Variants in MPDZ observed in about 807,000 individuals in gnomAD.
MPDZ encodes multiple PDZ domain protein.
In MPDZ, 234 loss-of-function variants were observed where a neutral mutation model predicts 239.1. The observed-to-expected ratio is 0.98, with a 90% CI of 0.88 to 1.09. The LOEUF (loss-of-function observed/expected upper bound fraction) is 1.09, where lower values mean the gene tolerates loss of function less well. Ranked by LOEUF, MPDZ falls within the 50% of genes least tolerant of loss-of-function variation. MPDZ has a pLI of 0.00. For missense variants in MPDZ, 3,175 were observed against 2,510.0 expected, an observed-to-expected ratio of 1.26 and a Z score of -5.66; for synonymous variants, 1,048 against 881.3, an observed-to-expected ratio of 1.19 and a Z score of -3.35.
chr9:13,243,703 A>G (rs1045198242), intron 3 of MPDZ, among the ~76,000 whole-genome samples: 1 of 152,236 alleles, frequency 6.6e-6, no homozygotes, highest in African/African-American at 2.4e-5. Context: ...GCATCTCTAC[A>G]GTTATTTCAA....
chr9:13,258,589 C>A (rs781708776), intron 1 of MPDZ, among the ~76,000 whole-genome samples: 1 of 152,170 alleles, frequency 6.6e-6, no homozygotes, highest in Non-Finnish European at 1.5e-5. Flanking sequence ...AGTCATAATT[C>A]CTACTTTTGG....
intron 32 of MPDZ, among the ~76,000 whole-genome samples, chr9:13,129,189 G>A (rs1047225395): frequency 2.6e-5 from 4 of 152,114 alleles, no homozygotes; most frequent in East Asian, 3.9e-4. Context: ...GAGGCTGGGC[G>A]TGGTGGCTCA....
chr9:13,180,363 C>A (rs907367662), intron 19 of MPDZ, among the ~76,000 whole-genome samples: 1 of 152,012 alleles, frequency 6.6e-6, no homozygotes, highest in African/African-American at 2.4e-5. Flanking sequence ...AAAAGTAATT[C>A]CTGGCAGAAC....
intron 1 of MPDZ, among the ~76,000 whole-genome samples, chr9:13,272,247 G>A (rs536725978): frequency 1.3e-5 from 2 of 152,246 alleles, no homozygotes; most frequent in African/African-American, 2.4e-5. Context: ...TGAATAGGTT[G>A]ACTTTAGCAT....
chr9:13,177,725 A>C (rs1391139461), intron 19 of MPDZ, among the ~76,000 whole-genome samples: 1 of 152,178 alleles, frequency 6.6e-6, no homozygotes, highest in African/African-American at 2.4e-5. Context: ...TAAATGTTAG[A>C]GCTTGGACAA....
rs1306384022 is a variant in MPDZ, at chr9:13,183,399, A to G, written c.2649+19T>C. The G allele has an allele frequency of 6.3e-7, 1 of 1,576,124 alleles. No individual in the cohort carries two copies. The highest frequency in any genetic ancestry group is 1.4e-5 in the African/African-American group (1 of 72,704). ...CACAAGACTTTCCTATAAAAGAAAA[A>G]TTGGCTTTTCCTTTGTACCTTAGGA... On this transcript the variant is annotated intron_variant, in intron 19 of 46. Transcript: ENST00000319217.
rs1200460057 is a variant in MPDZ at position 13,125,369 on chromosome 9, C to T, written c.4654G>A (p.Ala1552Thr). The T allele has an allele frequency of 1.2e-6, 2 of 1,613,600 alleles. No homozygotes were observed. Among genetic ancestry groups the T allele is most frequent in the East Asian group, 2.2e-5 (1 of 44,870 alleles). ...IEKFISLLKT[A>T]KMTVKLTIHA... ...ATGGTAAGTTTTACTGTCATCTTTG[C>T]TGTCTTCAGAAGGCTAATAAACTGG... The change falls in exon 35 of 47, where the codon GCA (alanine) becomes ACA (threonine). Residue 1552 changes from alanine to threonine, a missense_variant. By Grantham distance (58) the Ala-to-Thr change is moderately conservative. Coordinates refer to ENST00000319217, the MANE Select transcript of MPDZ (RefSeq NM_001378778.1).
Position 13,126,579 on chromosome 9 carries a change from G to A in MPDZ, c.4569C>T (p.Leu1523=). The A allele has an allele frequency of 6.3e-7, 1 of 1,599,416 alleles. No homozygotes were observed. The highest frequency in any genetic ancestry group is 1.1e-5 in the South Asian group (1 of 88,944). The change falls in exon 34 of 47, where the codon CTC becomes CTT. Residue 1523 remains leucine (L), a synonymous_variant. Transcript: ENST00000319217. ...EHGVAATDGR[L]KVGDQILAVD... ...CAGCCAGTATCTGATCTCCGACTTT[G>A]AGTCGTCCATCCTAAATGGAAACGT... is the stretch of plus-strand genomic sequence containing the variant.
Position 13,168,534 on chromosome 9 carries a change from A to C in MPDZ, c.3086T>G (p.Leu1029Trp), listed in dbSNP as rs771383776. 5.6e-6 allele frequency: 9 copies of C among 1,610,844 alleles called. No individual in the cohort carries two copies. Among genetic ancestry groups the C allele is most frequent in the Non-Finnish European group, 5.1e-6 (6 of 1,178,880 alleles). ...GMTVSANKDGLGMIVRSIIHG... is the reference protein window; with the variant it reads ...GMTVSANKDGWGMIVRSIIHG... ...AATAATGCTTCGAACGATCATCCCC[A>C]AGCCATCTTTATTAGCACTAACTGT... The change falls in exon 22 of 47, where the codon TTG becomes TGG. Residue 1029 changes from leucine to tryptophan, a missense_variant. Coordinates refer to ENST00000319217, the MANE Select transcript of MPDZ (RefSeq NM_001378778.1).
At chr9:13,226,336 T>C (rs951479663) in intron 3 of MPDZ, among the ~76,000 whole-genome samples, 1 of 152,282 alleles carries the variant, frequency 6.6e-6, no homozygotes, top group East Asian at 1.9e-4. Flanking sequence ...TCAATCCTAA[T>C]TTCATATTTA....
chr9:13,192,432 T>G, intron 14 of MPDZ, 137 bp from the exon 15 acceptor site: 1 of 693,518 alleles, frequency 1.4e-6, no homozygotes, highest in Non-Finnish European at 2.3e-6. Flanking sequence ...TAGTGAGACC[T>G]GTGGAAATAC....
intron 19 of MPDZ, 31 bp downstream of exon 19, chr9:13,183,387 T>C (rs1265863996): frequency 2.6e-6 from 4 of 1,566,934 alleles, no homozygotes; most frequent in Non-Finnish European, 3.4e-6. Flanking sequence ...AAGACTTTCC[T>C]ATAAAAGAAA....
chr9:13,162,827 G>A, intron 22 of MPDZ, 32 bp from the exon 23 acceptor site: 2 of 1,472,230 alleles, frequency 1.4e-6, no homozygotes, highest in East Asian at 2.3e-5. Flanking sequence ...GGAAGTGAAG[G>A]GAAATAATAT....
chr9:13,225,953 C>A (rs148137773), intron 3 of MPDZ, among the ~76,000 whole-genome samples: 306 of 152,186 alleles, frequency 2.0e-3, no homozygotes, highest in African/African-American at 7.2e-3. Context: ...TACCATAGAT[C>A]ATAACCATGA....
chr9:13,259,885 G>T (rs1970277160), intron 1 of MPDZ, among the ~76,000 whole-genome samples: 1 of 152,068 alleles, frequency 6.6e-6, no homozygotes, highest in Admixed American at 6.6e-5. Context: ...TCAGGCTGGA[G>T]TACAGTGGCA....
At chr9:13,261,152 G>A (rs1203535392) in intron 1 of MPDZ, among the ~76,000 whole-genome samples, 1 of 152,196 alleles carries the variant, frequency 6.6e-6, no homozygotes, top group Non-Finnish European at 1.5e-5. Flanking sequence ...CTGAGTAAGG[G>A]ATGAAGAAGC....
chr9:13,180,087 C>G (rs1295778015), intron 19 of MPDZ, among the ~76,000 whole-genome samples: 1 of 152,066 alleles, frequency 6.6e-6, no homozygotes, highest in Non-Finnish European at 1.5e-5. Context: ...GTCACTAAGA[C>G]TCTCACAGTC....
At chr9:13,273,538 T>C (rs2139390559) in intron 1 of MPDZ, among the ~76,000 whole-genome samples, 1 of 152,302 alleles carries the variant, frequency 6.6e-6, no homozygotes, top group South Asian at 2.1e-4. Flanking sequence ...TTCAAATAAT[T>C]GCCATTCTGT....
At chr9:13,175,718 AG>A in intron 21 of MPDZ, 33 bp downstream of exon 21, 1 of 214,798 alleles carries the variant, frequency 4.7e-6, no homozygotes, top group African/African-American at 1.9e-5. Context: ...AAGGGGGTTG[AG>A]GAGTAGGTAT....
Sources: allele counts gnomAD v4.1 joint callset (sites outside exome capture counted in the v4.1 genomes callset), GRCh38; gene constraint gnomAD v4.1.1; transcripts MANE v1.5; gene names NCBI Gene and HGNC (gene_info 2026-07-23, HGNC 2026-07-21).